RHOH: variants seen among roughly 807,000 people sequenced by gnomAD.
RHOH encodes ras homolog family member H.
In RHOH, 6 loss-of-function variants were observed where a neutral mutation model predicts 13.8. That is an observed-to-expected ratio of 0.44 (90% CI 0.24 to 0.86). The LOEUF (loss-of-function observed/expected upper bound fraction) is 0.86, where lower values mean the gene tolerates loss of function less well. RHOH is among the 40% of genes least tolerant of loss of function. The pLI is 0.24. For missense variants in RHOH, 147 were observed against 244.5 expected (o/e 0.60, Z 2.66); for synonymous variants, 117 against 103.0 (o/e 1.14, Z -0.82).
chr4:40,231,610 C>G (rs62303867), intron 1 of RHOH, among the ~76,000 whole-genome samples: 2,661 of 152,298 alleles, frequency 0.017, 40 homozygotes, highest in Non-Finnish European at 0.025. Flanking sequence ...TCTCCCAGGC[C>G]CCCAGGCCTA....
At chr4:40,198,304 G>A (rs950129792) in intron 1 of RHOH, among the ~76,000 whole-genome samples, 3 of 152,236 alleles carry the variant, frequency 2.0e-5, no homozygotes, top group Non-Finnish European at 4.4e-5. Context: ...GCACAAAGGC[G>A]AGACTGACCT....
intron 1 of RHOH, among the ~76,000 whole-genome samples, chr4:40,241,526 T>G (rs2109577786): frequency 6.6e-6 from 1 of 152,350 alleles, no homozygotes; most frequent in East Asian, 1.9e-4. Context: ...GAATTATTTA[T>G]ATGGCTAACT....
At chr4:40,202,375 A>G (rs1470497939) in intron 1 of RHOH, among the ~76,000 whole-genome samples, 1 of 152,232 alleles carries the variant, frequency 6.6e-6, no homozygotes, top group African/African-American at 2.4e-5. Context: ...AATAAGAATT[A>G]AATGTGAGCC....
intron 1 of RHOH, among the ~76,000 whole-genome samples, chr4:40,215,472 T>A (rs1025204827): frequency 3.3e-5 from 5 of 152,102 alleles, no homozygotes; most frequent in Admixed American, 2.6e-4. Context: ...GCACTGTGTG[T>A]CTTTTCCTGG....
chr4:40,229,469 C>T (rs1477440294), intron 1 of RHOH, among the ~76,000 whole-genome samples: 2 of 151,852 alleles, frequency 1.3e-5, no homozygotes, highest in Non-Finnish European at 2.9e-5. Flanking sequence ...AACCCCGTCT[C>T]TACTAAAAGT....
chr4:40,198,381 A>C (rs1296626093), intron 1 of RHOH, among the ~76,000 whole-genome samples: 2 of 152,256 alleles, frequency 1.3e-5, no homozygotes, highest in Non-Finnish European at 2.9e-5. Flanking sequence ...ACATTGCAGG[A>C]AATCAGATTA....
chr4:40,195,373 C>T (rs1239554582), upstream of RHOH, among the ~76,000 whole-genome samples: 1 of 130,428 alleles, frequency 7.7e-6, no homozygotes, highest in East Asian at 2.2e-4. Flanking sequence ...TTCCTTCCTT[C>T]CTTCCTTCCT....
rs187568601 is a variant in RHOH at position 40,219,113 on chromosome 4, T to C, written c.-331+21813T>C. On this transcript the variant is annotated intron_variant, in intron 1 of 2. Coordinates refer to ENST00000381799, the MANE Select transcript of RHOH (RefSeq NM_004310.5). ...ACAGTATAGTATGCTGTAGTTTGTATATAAAAATGTGTGTGTGGCTGGGCG... is the reference window on the plus strand; with the variant it reads ...ACAGTATAGTATGCTGTAGTTTGTACATAAAAATGTGTGTGTGGCTGGGCG... Among the ~76,000 whole-genome samples, 3 of 152,220 alleles carry C rather than the reference T, an allele frequency of 2.0e-5. No individual in the cohort carries two copies. The East Asian group carries it at 5.8e-4, about 29-fold the overall frequency.
intron 1 of RHOH, among the ~76,000 whole-genome samples, chr4:40,201,864 T>A (rs1189632213): frequency 6.6e-6 from 1 of 152,084 alleles, no homozygotes; most frequent in Admixed American, 6.6e-5. Flanking sequence ...ACATATTCAC[T>A]GTATTATCAT....
upstream of RHOH, among the ~76,000 whole-genome samples, chr4:40,195,396 TC>T: frequency 6.9e-6 from 1 of 144,530 alleles, no homozygotes; most frequent in East Asian, 2.0e-4. Flanking sequence ...CTTCCTTCCT[TC>T]CTTCCTTCCT....
intron 1 of RHOH, among the ~76,000 whole-genome samples, chr4:40,239,312 A>AC (rs1032921902): frequency 6.6e-6 from 1 of 152,104 alleles, no homozygotes; most frequent in African/African-American, 2.4e-5. Flanking sequence ...TTGAACAGAG[A>AC]CTTTTTCTCC....
At chr4:40,215,161 C>T (rs73808644) in intron 1 of RHOH, among the ~76,000 whole-genome samples, 1,536 of 152,230 alleles carry the variant, frequency 0.01, 30 homozygotes, top group African/African-American at 0.035. Context: ...ATATGTCCAG[C>T]GAGGTTCCTC....
intron 1 of RHOH, among the ~76,000 whole-genome samples, chr4:40,214,197 G>A (rs1379058347): frequency 6.6e-6 from 1 of 152,200 alleles, no homozygotes; most frequent in Non-Finnish European, 1.5e-5. Flanking sequence ...GGGGAAGGCG[G>A]GGCGGAAGGA....
chr4:40,237,067 T>C (rs1195742064), intron 1 of RHOH, among the ~76,000 whole-genome samples: 6 of 152,232 alleles, frequency 3.9e-5, no homozygotes, highest in Admixed American at 3.9e-4. Context: ...TGAAAACTAG[T>C]AAGGTTTTGG....
At chr4:40,236,918 T>C (rs1472080635) in intron 1 of RHOH, among the ~76,000 whole-genome samples, 1 of 152,048 alleles carries the variant, frequency 6.6e-6, no homozygotes, top group Admixed American at 6.6e-5. Context: ...GAGGAATAGG[T>C]GTGCAGTTAG....
At chr4:40,208,190 G>A (rs753949687) in intron 1 of RHOH, among the ~76,000 whole-genome samples, 3 of 152,120 alleles carry the variant, frequency 2.0e-5, no homozygotes, top group Admixed American at 2.0e-4. Flanking sequence ...ACAATCAATC[G>A]AGCTATTTGG....
intron 1 of RHOH, among the ~76,000 whole-genome samples, chr4:40,206,146 C>T (rs965268001): frequency 1.3e-5 from 2 of 152,224 alleles, no homozygotes; most frequent in African/African-American, 4.8e-5. Context: ...GTCTAGCAAC[C>T]TAGTTGCCCA....
intron 1 of RHOH, among the ~76,000 whole-genome samples, chr4:40,229,212 C>CT (rs1560277416): frequency 2.0e-5 from 3 of 152,232 alleles, no homozygotes; most frequent in African/African-American, 7.2e-5. Context: ...AGCCTCTGTG[C>CT]TGTCATCCTT....
intron 1 of RHOH, among the ~76,000 whole-genome samples, chr4:40,215,750 T>G (rs902379598): frequency 1.3e-5 from 2 of 151,802 alleles, no homozygotes; most frequent in African/African-American, 2.4e-5. Flanking sequence ...CCAACACCCA[T>G]CTCTACTAAA....
Sources: allele counts gnomAD v4.1 joint callset (sites outside exome capture counted in the v4.1 genomes callset), GRCh38; gene constraint gnomAD v4.1.1; transcripts MANE v1.5; gene names NCBI Gene and HGNC (gene_info 2026-07-23, HGNC 2026-07-21).